The following GAK variants were observed in gnomAD, a reference collection of about 807,000 sequenced individuals.
The protein encoded by GAK is cyclin-G-associated kinase.
In GAK, 79 loss-of-function variants were observed where a neutral mutation model predicts 143.9. That is an observed-to-expected ratio of 0.55 (90% CI 0.46 to 0.66). GAK has a LOEUF of 0.66. Ranked by LOEUF, GAK falls within the 30% of genes least tolerant of loss-of-function variation. GAK has a pLI of 0.00. For synonymous variants in GAK, 881 were observed against 765.5 expected (o/e 1.15, Z -2.49); for missense variants, 1,693 against 1,779.7 (o/e 0.95, Z 0.88).
At chr4:926,689 C>T (rs983846165) in intron 1 of GAK, among the ~76,000 whole-genome samples, 1 of 152,190 alleles carries the variant, frequency 6.6e-6, no homozygotes, top group Non-Finnish European at 1.5e-5. Flanking sequence ...ATCAAGCTGT[C>T]AACTTGGAAG....
In GAK at chr4:924,602, G is replaced by A. The variant is rs112574777; in HGVS notation, c.145+7441C>T. On this transcript the variant is annotated intron_variant, in intron 1 of 27. Coordinates refer to ENST00000314167, the MANE Select transcript of GAK (RefSeq NM_005255.4). ...ATCTTTATTCATAACAGCACATACG[G>A]TTTGGATCTGCGTCCCCATGCAAAT... Among the ~76,000 whole-genome samples, 620 of 152,326 alleles carry A rather than the reference G, an allele frequency of 4.1e-3. 6 individuals are homozygous for A. Among genetic ancestry groups the A allele is most frequent in the African/African-American group, 0.013 (537 of 41,566 alleles).
At chr4:891,449 C>T (rs559942294) in intron 9 of GAK, among the ~76,000 whole-genome samples, 1 of 152,236 alleles carries the variant, frequency 6.6e-6, no homozygotes, top group South Asian at 2.1e-4. Flanking sequence ...CCCTGTGAGG[C>T]TCACTACCTC....
At chr4:887,992 T>C (rs989313028) in intron 11 of GAK, 2 of 152,322 alleles carry the variant, frequency 1.3e-5, no homozygotes, top group African/African-American at 2.4e-5. Context: ...CACGCTCACA[T>C]GTGCAGACGC....
At chr4:894,070 C>A in intron 7 of GAK, 61 bp from the exon 8 acceptor site, 1 of 1,478,156 alleles carries the variant, frequency 6.8e-7, no homozygotes, top group East Asian at 2.5e-5. Flanking sequence ...ACGCCTGGGC[C>A]TGCGGGGAGA....
intron 11 of GAK, chr4:884,529 T>G (rs1715869118): frequency 6.1e-6 from 1 of 165,166 alleles, no homozygotes; most frequent in Non-Finnish European, 1.3e-5. Flanking sequence ...GCAGTGCGAC[T>G]CCAGCAGACG....
intron 10 of GAK, among the ~76,000 whole-genome samples, chr4:890,259 G>C (rs1717375138): frequency 6.6e-6 from 1 of 152,158 alleles, no homozygotes; most frequent in East Asian, 1.9e-4. Context: ...GGTCTCCTGG[G>C]CCCTGCCCTG....
intron 4 of GAK, 34 bp from the exon 5 acceptor site, chr4:904,813 G>T (rs745312680): frequency 3.7e-5 from 59 of 1,607,614 alleles, no homozygotes; most frequent in Non-Finnish European, 4.7e-5. Context: ...GGAGGCAGGA[G>T]AACAGGGTCC....
At chr4:897,482 G>C (rs1000671305) in intron 6 of GAK, among the ~76,000 whole-genome samples, 2 of 152,156 alleles carry the variant, frequency 1.3e-5, no homozygotes, top group Non-Finnish European at 2.9e-5. Flanking sequence ...CACAGGGTGA[G>C]AGCAGGCTAC....
At chr4:894,365 C>T in intron 7 of GAK, 1 of 200,810 alleles carries the variant, frequency 5.0e-6, no homozygotes, top group South Asian at 7.6e-5. Context: ...GACGTCGGAG[C>T]CGTGGGGAGC....
At chr4:925,499 C>A (rs964587516) in intron 1 of GAK, among the ~76,000 whole-genome samples, 3 of 152,192 alleles carry the variant, frequency 2.0e-5, no homozygotes, top group African/African-American at 7.2e-5. Context: ...GAAACAGACA[C>A]TTTTCTAACG....
At chr4:912,530 T>C in intron 3 of GAK, 1 of 525,068 alleles carries the variant, frequency 1.9e-6, no homozygotes, top group East Asian at 3.1e-5. Flanking sequence ...CTTCTACTAT[T>C]ACCCTGGCAG....
chr4:900,078 A>T (rs955889527), intron 5 of GAK, among the ~76,000 whole-genome samples: 2 of 152,254 alleles, frequency 1.3e-5, no homozygotes, highest in Non-Finnish European at 2.9e-5. Context: ...CAGCGGGGAG[A>T]TGCAGTGGCA....
intron 11 of GAK, among the ~76,000 whole-genome samples, chr4:884,541 C>G (rs542506048): frequency 6.6e-6 from 1 of 152,184 alleles, no homozygotes; most frequent in Admixed American, 6.5e-5. Context: ...CAGCAGACGC[C>G]GCTGGAGGCA....
At chr4:926,875 A>AC (rs1179508436) in intron 1 of GAK, among the ~76,000 whole-genome samples, 1 of 7,140 alleles carries the variant, frequency 1.4e-4, no homozygotes, top group African/African-American at 5.0e-4. Context: ...CTGCCCCGCA[A>AC]CCCCCCCCAC....
intron 5 of GAK, among the ~76,000 whole-genome samples, chr4:899,749 C>T (rs1719509026): frequency 1.3e-5 from 2 of 152,224 alleles, no homozygotes; most frequent in African/African-American, 2.4e-5. Context: ...AACCACAGCG[C>T]CCTGCAGACC....
intron 1 of GAK, among the ~76,000 whole-genome samples, chr4:914,671 G>A (rs1227524224): frequency 1.3e-5 from 1 of 78,218 alleles, no homozygotes; most frequent in Non-Finnish European, 2.3e-5. Context: ...CAGCCCCAGC[G>A]TGCACAGCCC....
intron 9 of GAK, among the ~76,000 whole-genome samples, chr4:891,358 A>G (rs1188739317): frequency 6.6e-6 from 1 of 150,442 alleles, no homozygotes; most frequent in Non-Finnish European, 1.5e-5. Context: ...TCCACCTCGC[A>G]TGCCCAACCA....
rs770029383 is a variant in GAK, at chr4:870,908, C to A, written c.2055-4G>T. ...GTCACACGCGTCCAGGTCATACCTGCGGTTACAAGTAGACACCACTTAGGA... is the reference window on the plus strand; with the variant it reads ...GTCACACGCGTCCAGGTCATACCTGAGGTTACAAGTAGACACCACTTAGGA... On this transcript the variant is annotated splice_region_variant and splice_polypyrimidine_tract_variant and intron_variant, in intron 18 of 27. Coordinates refer to ENST00000314167, the MANE Select transcript of GAK (RefSeq NM_005255.4). 3 of 1,606,730 alleles carry A rather than the reference C, an allele frequency of 1.9e-6. No homozygotes were observed. Among genetic ancestry groups the A allele is most frequent in the Admixed American group, 3.4e-5 (2 of 58,726 alleles).
At chr4:865,629 G>A (rs1477783793) in intron 22 of GAK, among the ~76,000 whole-genome samples, 1 of 152,208 alleles carries the variant, frequency 6.6e-6, no homozygotes, top group Non-Finnish European at 1.5e-5. Context: ...TCGGCAGACA[G>A]AGGGCCCAGC....
Sources: gnomAD v4.1 joint callset for allele counts (sites outside exome capture counted in the v4.1 genomes callset) on GRCh38, gnomAD v4.1.1 for gene constraint, MANE v1.5 for transcripts, NCBI Gene and HGNC (gene_info 2026-07-23, HGNC 2026-07-21) for gene names.